The following PHACTR1 variants were observed in gnomAD, a reference collection of about 807,000 sequenced individuals.
PHACTR1 encodes the protein phosphatase and actin regulator 1.
A neutral mutation model predicts 69.2 loss-of-function variants in PHACTR1; 16 were observed. That is an observed-to-expected ratio of 0.23 (90% confidence interval 0.16 to 0.35). PHACTR1 has a LOEUF of 0.35. Ranked by LOEUF, PHACTR1 falls within the 10% of genes least tolerant of loss-of-function variation. PHACTR1 has a pLI of 1.00. For missense variants in PHACTR1, 510 were observed against 734.7 expected (o/e 0.69, Z 3.54); for synonymous variants, 312 against 284.5 (o/e 1.10, Z -0.97).
chr6:13,149,122 C>T (rs1422229339), intron 5 of PHACTR1, among the ~76,000 whole-genome samples: 1 of 152,084 alleles, frequency 6.6e-6, no homozygotes. Context: ...GCTGAGCGAG[C>T]TGACCTCCCT....
intron 7 of PHACTR1, among the ~76,000 whole-genome samples, chr6:13,185,391 C>T (rs1762708227): frequency 6.9e-6 from 1 of 145,674 alleles, no homozygotes; most frequent in South Asian, 2.1e-4. Flanking sequence ...AATTTTTTGT[C>T]TTTAAGTTAT....
At chr6:12,793,123 T>G (rs1279542440) in intron 4 of PHACTR1, among the ~76,000 whole-genome samples, 2 of 152,220 alleles carry the variant, frequency 1.3e-5, no homozygotes, top group Non-Finnish European at 2.9e-5. Flanking sequence ...TTTTATTCTT[T>G]GCTGTGGTAT....
chr6:12,821,959 G>T (rs1776272387), intron 4 of PHACTR1, among the ~76,000 whole-genome samples: 1 of 152,158 alleles, frequency 6.6e-6, no homozygotes, highest in Non-Finnish European at 1.5e-5. Context: ...AGGAAACTTT[G>T]GGGAAAATCA....
At chr6:13,027,206 T>G (rs1033564672) in intron 4 of PHACTR1, among the ~76,000 whole-genome samples, 1 of 152,196 alleles carries the variant, frequency 6.6e-6, no homozygotes, top group Non-Finnish European at 1.5e-5. Flanking sequence ...TCTCTTACTT[T>G]GCTTGCTTAA....
At chr6:12,971,949 T>C (rs918357212) in intron 4 of PHACTR1, among the ~76,000 whole-genome samples, 5 of 152,224 alleles carry the variant, frequency 3.3e-5, no homozygotes, top group Non-Finnish European at 1.5e-5. Flanking sequence ...GCCCCTGCTA[T>C]GTAAGGTTGG....
chr6:13,144,306 T>C (rs1211611244), intron 5 of PHACTR1, among the ~76,000 whole-genome samples: 1 of 152,168 alleles, frequency 6.6e-6, no homozygotes, highest in African/African-American at 2.4e-5. Context: ...ACCTACAAGA[T>C]ACAATAAAAT....
chr6:12,862,162 G>A, intron 4 of PHACTR1, among the ~76,000 whole-genome samples: 1 of 152,168 alleles, frequency 6.6e-6, no homozygotes, highest in Non-Finnish European at 1.5e-5. Context: ...CAGATGGAAG[G>A]AGAAAGACTT....
At chr6:13,092,274 G>A (rs971506245) in intron 5 of PHACTR1, among the ~76,000 whole-genome samples, 10 of 152,142 alleles carry the variant, frequency 6.6e-5, no homozygotes, top group Non-Finnish European at 1.3e-4. Context: ...GGGGCCTGGG[G>A]GTTGGGGACC....
Position 12,919,332 on chromosome 6 carries a change from G to A in PHACTR1, c.251-134033G>A, listed in dbSNP as rs556828493. Among the ~76,000 whole-genome samples the A allele has an allele frequency of 5.3e-5, 8 of 152,032 alleles. No homozygotes were observed. The East Asian group carries it at 1.4e-3, about 26-fold the overall frequency. On this transcript the variant is annotated intron_variant, in intron 4 of 14. Coordinates refer to ENST00000332995, the MANE Select transcript of PHACTR1 (RefSeq NM_030948.6). The stretch of plus-strand genomic sequence containing the variant: ...TAATTTTTGTAGTTTTAGTAGAGAC[G>A]GGGTTTCACCATGTTGGCCAGGCTA...
At chr6:13,278,696 G>A (rs421057) in intron 12 of PHACTR1, among the ~76,000 whole-genome samples, 93,985 of 152,106 alleles carry the variant, frequency 0.62, 29,405 homozygotes, top group Admixed American at 0.7. Context: ...AGTGGTTCAT[G>A]CCTATAAACC....
At chr6:13,180,183 A>G (rs1020650593) in intron 6 of PHACTR1, among the ~76,000 whole-genome samples, 4 of 152,220 alleles carry the variant, frequency 2.6e-5, no homozygotes, top group African/African-American at 7.2e-5. Context: ...ATGTTCAAAA[A>G]GAGGAAACTG....
intron 4 of PHACTR1, among the ~76,000 whole-genome samples, chr6:12,863,986 T>G (rs1392574196): frequency 3.3e-5 from 5 of 152,182 alleles, no homozygotes; most frequent in Non-Finnish European, 7.3e-5. Flanking sequence ...TCGAGTTTCA[T>G]GCACCGACAC....
At chr6:12,989,518 G>C (rs180789068) in intron 4 of PHACTR1, among the ~76,000 whole-genome samples, 50 of 152,280 alleles carry the variant, frequency 3.3e-4, no homozygotes, top group African/African-American at 1.1e-3. Context: ...TTCTGACCCA[G>C]GCCAGAAGCA....
At chr6:12,784,549 A>G (rs145018695) in intron 4 of PHACTR1, among the ~76,000 whole-genome samples, 76 of 151,440 alleles carry the variant, frequency 5.0e-4, no homozygotes, top group Non-Finnish European at 9.0e-4. Flanking sequence ...ATATACACAC[A>G]TATATATCTA....
chr6:13,096,511 T>G (rs148032851), intron 5 of PHACTR1, among the ~76,000 whole-genome samples: 1 of 152,308 alleles, frequency 6.6e-6, no homozygotes, highest in East Asian at 1.9e-4. Context: ...CAAGTGTTGG[T>G]GACACTGTGA....
At chr6:12,908,297 A>T (rs527683674) in intron 4 of PHACTR1, among the ~76,000 whole-genome samples, 282 of 152,264 alleles carry the variant, frequency 1.9e-3, no homozygotes, top group Admixed American at 3.1e-3. Context: ...TTACTTTATG[A>T]GTTTATGTAA....
intron 3 of PHACTR1, among the ~76,000 whole-genome samples, chr6:12,745,105 T>C (rs960890138): frequency 6.6e-6 from 1 of 152,138 alleles, no homozygotes; most frequent in Non-Finnish European, 1.5e-5. Context: ...GAAACATATT[T>C]TGAGTAATAT....
At chr6:12,908,019 C>T (rs1785937830) in intron 4 of PHACTR1, among the ~76,000 whole-genome samples, 1 of 152,190 alleles carries the variant, frequency 6.6e-6, no homozygotes, top group South Asian at 2.1e-4. Context: ...CACAAAATCT[C>T]CAGCTTAGCC....
At chr6:13,011,142 T>C (rs1046216815) in intron 4 of PHACTR1, among the ~76,000 whole-genome samples, 1 of 152,328 alleles carries the variant, frequency 6.6e-6, no homozygotes, top group Admixed American at 6.5e-5. Context: ...AATGCACACA[T>C]CTGCTAAGAA....
Sources: allele counts gnomAD v4.1 joint callset (sites outside exome capture counted in the v4.1 genomes callset), GRCh38; gene constraint gnomAD v4.1.1; transcripts MANE v1.5; gene names NCBI Gene and HGNC (gene_info 2026-07-23, HGNC 2026-07-21).